Variants in TSPAN15 observed in about 807,000 individuals in gnomAD.
The protein encoded by TSPAN15 is tetraspanin-15.
A neutral mutation model predicts 34.5 loss-of-function variants in TSPAN15; 20 were observed. The observed-to-expected ratio is 0.58, with a 90% confidence interval of 0.41 to 0.84. The LOEUF (loss-of-function observed/expected upper bound fraction) is 0.84, where lower values mean the gene tolerates loss of function less well. TSPAN15 is among the 40% of genes least tolerant of loss of function. The pLI is 0.00. For missense variants in TSPAN15, 313 were observed against 386.1 expected, an observed-to-expected ratio of 0.81 and a Z score of 1.59; for synonymous variants, 155 against 153.9, an observed-to-expected ratio of 1.01 and a Z score of -0.05.
chr10:69,492,486 T>C (rs1222661230), intron 3 of TSPAN15, among the ~76,000 whole-genome samples: 2 of 152,138 alleles, frequency 1.3e-5, no homozygotes, highest in Non-Finnish European at 2.9e-5. Flanking sequence ...AGCTCCCTGA[T>C]GGGGGTTGGG....
At chr10:69,544,200 A>G in the TSPAN15 span, among the ~76,000 whole-genome samples, 4 of 152,188 alleles carry the variant, frequency 2.6e-5, no homozygotes, top group Non-Finnish European at 5.9e-5. Context: ...CCTTTGTTGC[A>G]TCCACCTAAA....
chr10:69,461,357 G>A (rs1841252356), intron 1 of TSPAN15, among the ~76,000 whole-genome samples: 1 of 152,178 alleles, frequency 6.6e-6, no homozygotes, highest in Admixed American at 6.5e-5. Context: ...GGGCCTGCAG[G>A]GAAGCAAGTA....
At chr10:69,542,563 C>T in the TSPAN15 span, among the ~76,000 whole-genome samples, 4 of 152,130 alleles carry the variant, frequency 2.6e-5, no homozygotes, top group Non-Finnish European at 5.9e-5. Flanking sequence ...TTCTGCAGGG[C>T]TGGGGAGGCC....
intron 4 of TSPAN15, among the ~76,000 whole-genome samples, chr10:69,497,341 C>T (rs1842107662): frequency 6.6e-6 from 1 of 152,184 alleles, no homozygotes; most frequent in African/African-American, 2.4e-5. Flanking sequence ...TTGCATGGTC[C>T]AGCCTGTGCC....
At chr10:69,493,864 C>T (rs1842021602) in intron 3 of TSPAN15, among the ~76,000 whole-genome samples, 1 of 152,194 alleles carries the variant, frequency 6.6e-6, no homozygotes, top group African/African-American at 2.4e-5. Context: ...ATCTGCCCAC[C>T]TCGGCCTCCC....
the TSPAN15 span, among the ~76,000 whole-genome samples, chr10:69,530,787 TCTCTCTC>T: frequency 1.5e-4 from 8 of 51,840 alleles, 1 homozygote; most frequent in African/African-American, 2.2e-4. Flanking sequence ...AGACTCTCTC[TCTCTCTC>T]TCTCTCTCTC....
chr10:69,471,697 T>C (rs1447347060), intron 1 of TSPAN15, among the ~76,000 whole-genome samples: 2 of 144,846 alleles, frequency 1.4e-5, no homozygotes, highest in South Asian at 2.5e-4. Context: ...GCTCAGGCCA[T>C]CCTCCCACCT....
the TSPAN15 span, among the ~76,000 whole-genome samples, chr10:69,522,849 T>C: frequency 6.8e-6 from 1 of 147,834 alleles, no homozygotes; most frequent in Non-Finnish European, 1.5e-5. Flanking sequence ...GATTGGCAAA[T>C]ATTTTCTCCC....
intron 1 of TSPAN15, among the ~76,000 whole-genome samples, chr10:69,478,638 G>C (rs1841667169): frequency 6.6e-6 from 1 of 152,054 alleles, no homozygotes; most frequent in Admixed American, 6.5e-5. Context: ...TGGTTCTCTG[G>C]GGAAGCCCGT....
At chr10:69,494,988 CGA>C in intron 3 of TSPAN15, 2 of 508,362 alleles carry the variant, frequency 3.9e-6, no homozygotes, top group Non-Finnish European at 5.1e-6. Flanking sequence ...CAGCCCTAGC[CGA>C]GGGGGACCGA....
At chr10:69,496,231 C>T (rs1331824928) in intron 4 of TSPAN15, among the ~76,000 whole-genome samples, 1 of 151,856 alleles carries the variant, frequency 6.6e-6, no homozygotes, top group Non-Finnish European at 1.5e-5. Context: ...GCCTCTCTTA[C>T]TTTCATGACA....
At chr10:69,481,278 C>T (rs371743404) in intron 1 of TSPAN15, among the ~76,000 whole-genome samples, 31 of 152,280 alleles carry the variant, frequency 2.0e-4, no homozygotes, top group Middle Eastern at 3.4e-3. Context: ...GAGTCCCTGC[C>T]GGCCTGTGTG....
intron 1 of TSPAN15, among the ~76,000 whole-genome samples, chr10:69,476,345 G>C (rs1419670212): frequency 6.6e-6 from 1 of 152,148 alleles, no homozygotes; most frequent in East Asian, 1.9e-4. Flanking sequence ...GGTCATAGCA[G>C]ATCAGTGGGG....
chr10:69,530,098 C>A, the TSPAN15 span, among the ~76,000 whole-genome samples: 1 of 147,742 alleles, frequency 6.8e-6, no homozygotes, highest in African/African-American at 2.5e-5. Context: ...TCTTTATCCA[C>A]TCATTGGTTG....
chr10:69,492,351 C>A (rs988775845), intron 3 of TSPAN15, among the ~76,000 whole-genome samples: 5 of 152,184 alleles, frequency 3.3e-5, no homozygotes, highest in Non-Finnish European at 7.3e-5. Flanking sequence ...TCACACACAC[C>A]CACCCCCAAC....
At chr10:69,483,430 C>T (rs1212107823) in intron 1 of TSPAN15, among the ~76,000 whole-genome samples, 4 of 152,286 alleles carry the variant, frequency 2.6e-5, no homozygotes, top group Non-Finnish European at 5.9e-5. Flanking sequence ...GGATTAGGGC[C>T]ACCTTAGTGA....
Position 69,480,743 on chromosome 10 carries a change from G to A in TSPAN15, c.97-2948G>A, listed in dbSNP as rs2133106219. Among the ~76,000 whole-genome samples, 4 of 152,088 alleles carry A rather than the reference G, an allele frequency of 2.6e-5. 1 individual carries two copies. Among genetic ancestry groups the A allele is most frequent in the Admixed American group, 2.6e-4 (4 of 15,280 alleles). On this transcript the variant is annotated intron_variant, in intron 1 of 7. Transcript: ENST00000373290. ...GACAGAGTCTTGCTCTGTCACCCAG[G>A]CTAGAGTGCAGTGGTGCAATCTCGG...
At chr10:69,509,253 T>C (rs1047758194), downstream of TSPAN15, among the ~76,000 whole-genome samples, 19 of 135,512 alleles carry the variant, frequency 1.4e-4, no homozygotes, top group Non-Finnish European at 2.6e-4. Flanking sequence ...ACTGCACCGC[T>C]GGCCAGCTGC....
intron 1 of TSPAN15, among the ~76,000 whole-genome samples, chr10:69,455,606 TTC>T (rs138301836): frequency 8.2e-4 from 91 of 110,998 alleles, no homozygotes; most frequent in Admixed American, 2.6e-3. Context: ...CTTTCTTTCT[TTC>T]TCTCTCTCTC....
Sources: allele counts gnomAD v4.1 joint callset (sites outside exome capture counted in the v4.1 genomes callset), GRCh38; gene constraint gnomAD v4.1.1; transcripts MANE v1.5; gene names NCBI Gene and HGNC (gene_info 2026-07-23, HGNC 2026-07-21).